COL23A1: variants seen among roughly 807,000 people sequenced by gnomAD.
The protein encoded by COL23A1 is collagen alpha-1(XXIII) chain.
Under a neutral mutation model 99.3 loss-of-function variants are expected in COL23A1, and 97 were observed. The observed-to-expected ratio is 0.98, with a 90% CI of 0.83 to 1.16. The LOEUF (loss-of-function observed/expected upper bound fraction) is 1.16. Ranked by LOEUF, COL23A1 falls within the 50% of genes most tolerant of loss-of-function variation. The pLI, the probability that COL23A1 is intolerant of heterozygous loss-of-function variation, is 0.00. For synonymous variants in COL23A1, 320 were observed against 308.2 expected (o/e 1.04, Z -0.40); for missense variants, 762 against 757.4 (o/e 1.01, Z -0.07).
At chr5:178,422,551 C>T (rs968468500) in intron 2 of COL23A1, among the ~76,000 whole-genome samples, 2 of 152,140 alleles carry the variant, frequency 1.3e-5, no homozygotes, top group African/African-American at 2.4e-5. Context: ...ATCATCCCCC[C>T]GCTGTCTGCA....
At chr5:178,491,604 G>A (rs981502858) in intron 2 of COL23A1, among the ~76,000 whole-genome samples, 74 of 152,228 alleles carry the variant, frequency 4.9e-4, no homozygotes, top group African/African-American at 1.4e-3. Flanking sequence ...GGTGTGGCCT[G>A]GGACAGGAGC....
At chr5:178,411,009 A>T (rs1398263322) in intron 2 of COL23A1, among the ~76,000 whole-genome samples, 2 of 152,206 alleles carry the variant, frequency 1.3e-5, no homozygotes, top group Non-Finnish European at 2.9e-5. Flanking sequence ...TTGCTGAAGA[A>T]GATACACAAA....
At chr5:178,469,358 G>C (rs140449920) in intron 2 of COL23A1, among the ~76,000 whole-genome samples, 3 of 152,044 alleles carry the variant, frequency 2.0e-5, no homozygotes, top group Admixed American at 1.3e-4. Context: ...CTCCTCTCCC[G>C]TCCATCCCTC....
At chr5:178,292,100 C>G (rs1208120473) in intron 3 of COL23A1, among the ~76,000 whole-genome samples, 1 of 152,158 alleles carries the variant, frequency 6.6e-6, no homozygotes, top group East Asian at 1.9e-4. Context: ...GCACCTCAGC[C>G]TGTGCCTGCA....
chr5:178,554,366 A>G (rs370635577), intron 2 of COL23A1, among the ~76,000 whole-genome samples: 2 of 152,024 alleles, frequency 1.3e-5, no homozygotes, highest in South Asian at 2.1e-4. Flanking sequence ...TTTAGTAGAG[A>G]CGGGGTTTCG....
chr5:178,463,046 C>T (rs1275358248), intron 2 of COL23A1, among the ~76,000 whole-genome samples: 6 of 152,240 alleles, frequency 3.9e-5, no homozygotes, highest in Non-Finnish European at 8.8e-5. Context: ...GCAAAGGCCA[C>T]GTCAGCAGAT....
At chr5:178,404,895 A>T (rs1483764845) in intron 2 of COL23A1, among the ~76,000 whole-genome samples, 1 of 152,224 alleles carries the variant, frequency 6.6e-6, no homozygotes. Flanking sequence ...ACACCAGGAC[A>T]AGAATGAGCT....
chr5:178,481,131 CAAAA>C (rs10625763), intron 2 of COL23A1, among the ~76,000 whole-genome samples: 2 of 102,282 alleles, frequency 2.0e-5, no homozygotes, highest in Admixed American at 1.2e-4. Flanking sequence ...GACTGTCTCT[CAAAA>C]AAAAAAAAAA....
At chr5:178,245,395 A>T (rs1764631017) in intron 25 of COL23A1, among the ~76,000 whole-genome samples, 2 of 148,636 alleles carry the variant, frequency 1.3e-5, no homozygotes, top group South Asian at 4.3e-4. Flanking sequence ...GGATAGATAG[A>T]TGAATGGATG....
intron 8 of COL23A1, chr5:178,265,642 TC>T (rs760626084): frequency 1.0e-6 from 1 of 984,422 alleles, no homozygotes; most frequent in Non-Finnish European, 1.2e-6. Flanking sequence ...AGACCCCCAC[TC>T]AGCCAGTCTA....
intron 2 of COL23A1, among the ~76,000 whole-genome samples, chr5:178,338,629 C>T (rs983779403): frequency 6.6e-6 from 1 of 151,836 alleles, no homozygotes; most frequent in South Asian, 2.1e-4. Context: ...CACCCAGCAC[C>T]GGGTAAGGTG....
At chr5:178,326,272 G>A (rs1303366537) in intron 2 of COL23A1, among the ~76,000 whole-genome samples, 2 of 152,152 alleles carry the variant, frequency 1.3e-5, no homozygotes, top group Non-Finnish European at 2.9e-5. Flanking sequence ...TTTAGCACTG[G>A]CTCTGGGGAA....
At chr5:178,288,637 A>G (rs950557673) in intron 4 of COL23A1, 2 of 549,218 alleles carry the variant, frequency 3.6e-6, no homozygotes, top group Non-Finnish European at 6.8e-6. Context: ...GGTAAATGCC[A>G]CGTGGGGACG....
intron 2 of COL23A1, among the ~76,000 whole-genome samples, chr5:178,374,189 A>G (rs1332268526): frequency 6.6e-6 from 1 of 152,124 alleles, no homozygotes; most frequent in East Asian, 1.9e-4. Flanking sequence ...TGGTGGCAGC[A>G]AGGGCATGGC....
At chr5:178,275,322 G>C (rs975242773) in intron 5 of COL23A1, among the ~76,000 whole-genome samples, 1 of 152,208 alleles carries the variant, frequency 6.6e-6, no homozygotes, top group African/African-American at 2.4e-5. Flanking sequence ...GGAGCGACCC[G>C]TGTGTGGCCT....
intron 2 of COL23A1, among the ~76,000 whole-genome samples, chr5:178,490,431 C>T (rs998627929): frequency 5.9e-5 from 9 of 151,800 alleles, no homozygotes; most frequent in African/African-American, 1.5e-4. Context: ...TAGAGGTTAC[C>T]GGTGCTGAAG....
At chr5:178,344,599 T>C (rs770031501) in intron 2 of COL23A1, among the ~76,000 whole-genome samples, 2 of 152,058 alleles carry the variant, frequency 1.3e-5, no homozygotes, top group Non-Finnish European at 1.5e-5. Flanking sequence ...GCCGACATCA[T>C]GTCACTGCAC....
intron 2 of COL23A1, among the ~76,000 whole-genome samples, chr5:178,354,596 T>C (rs1467462374): frequency 1.3e-5 from 2 of 152,144 alleles, no homozygotes; most frequent in Non-Finnish European, 1.5e-5. Flanking sequence ...TGTTTAAAAA[T>C]GTGTAGCACT....
chr5:178,470,209 C>T (rs1756665559), intron 2 of COL23A1, among the ~76,000 whole-genome samples: 1 of 152,212 alleles, frequency 6.6e-6, no homozygotes, highest in Non-Finnish European at 1.5e-5. Flanking sequence ...CCAGGCACTT[C>T]TCAGGGACGA....
Sources: gnomAD v4.1 joint callset for allele counts (sites outside exome capture counted in the v4.1 genomes callset) on GRCh38, gnomAD v4.1.1 for gene constraint, MANE v1.5 for transcripts, NCBI Gene and HGNC (gene_info 2026-07-23, HGNC 2026-07-21) for gene names.